The following CLVS1 variants were observed in gnomAD, a reference collection of about 807,000 sequenced individuals.
The protein encoded by CLVS1 is clavesin 1.
Under a neutral mutation model 33.1 loss-of-function variants are expected in CLVS1, and 10 were observed. The observed-to-expected ratio is 0.30, with a 90% confidence interval of 0.19 to 0.51. The LOEUF (loss-of-function observed/expected upper bound fraction) is 0.51, where lower values mean the gene tolerates loss of function less well. CLVS1 is among the 20% of genes least tolerant of loss of function. The pLI, the probability that CLVS1 is intolerant of heterozygous loss-of-function variation, is 0.97. For synonymous variants in CLVS1, 163 were observed against 166.1 expected, an observed-to-expected ratio of 0.98 and a Z score of 0.14; for missense variants, 343 against 433.4, an observed-to-expected ratio of 0.79 and a Z score of 1.85.
intron 5 of CLVS1, among the ~76,000 whole-genome samples, chr8:61,479,810 C>T (rs923369271): frequency 1.3e-5 from 2 of 152,116 alleles, no homozygotes; most frequent in African/African-American, 4.8e-5. Flanking sequence ...CAGTCAGGAC[C>T]CTCAGCTGCA....
chr8:61,480,135 C>A lies in CLVS1; in HGVS notation c.978-19320C>A, dbSNP rs547106851. Among the ~76,000 whole-genome samples the A allele has an allele frequency of 1.6e-3, 239 of 152,356 alleles. 1 individual carries two copies. Among genetic ancestry groups the A allele is most frequent in the African/African-American group, 5.2e-3 (218 of 41,578 alleles). Reference sequence around the variant, plus strand: ...TGTCAGACGGGGACATTTGAGTCTGCAGAGGTTATTGCTGCCTTTTGTTTG... The same window carrying A: ...TGTCAGACGGGGACATTTGAGTCTGAAGAGGTTATTGCTGCCTTTTGTTTG... On this transcript the variant is annotated intron_variant, in intron 5 of 5. Transcript: ENST00000325897.
chr8:61,014,771 C>CT, the CLVS1 span, among the ~76,000 whole-genome samples: 2 of 152,212 alleles, frequency 1.3e-5, no homozygotes, highest in Non-Finnish European at 1.5e-5. Context: ...GCAAAGGTCA[C>CT]TTTTTCCTAA....
chr8:61,463,486 A>G (rs1392544703), intron 5 of CLVS1, among the ~76,000 whole-genome samples: 2 of 152,220 alleles, frequency 1.3e-5, no homozygotes, highest in African/African-American at 4.8e-5. Context: ...CTTTTGGTTT[A>G]AAATGAGAGA....
chr8:61,063,260 CGAGAGAGAGAGA>C (rs555022524), intron 1 of CLVS1, among the ~76,000 whole-genome samples: 1 of 81,994 alleles, frequency 1.2e-5, no homozygotes, highest in Non-Finnish European at 2.1e-5. Context: ...AGTGAGGAAG[CGAGAGAGAGAGA>C]GAGAGAGAGA....
In CLVS1 at chr8:61,300,409, A is replaced by G. The variant is rs140070158; in HGVS notation, c.455+127A>G. On this transcript the variant is annotated intron_variant, in intron 2 of 5. Coordinates refer to ENST00000325897, the MANE Select transcript of CLVS1 (RefSeq NM_173519.3). ...AAATATTTCACATGTTCACCAAGGA[A>G]GTTTTAGGCCACAGGTGTGCTGTCT... 4.8e-6 allele frequency: 4 copies of G among 839,598 alleles called. No homozygotes were observed. The East Asian group carries it at 1.1e-4, about 22-fold the overall frequency. The allele number at this position is 839,598 out of a possible 1,614,324, so 52.0% of individuals were successfully genotyped here.
chr8:61,197,451 T>C (rs547724842), intron 2 of CLVS1, among the ~76,000 whole-genome samples: 2 of 152,298 alleles, frequency 1.3e-5, no homozygotes, highest in East Asian at 1.9e-4. Flanking sequence ...TACTGTATAC[T>C]GTAGCTCTAT....
chr8:61,335,184 A>T (rs1476368278), intron 2 of CLVS1, among the ~76,000 whole-genome samples: 4 of 152,200 alleles, frequency 2.6e-5, no homozygotes, highest in African/African-American at 9.6e-5. Context: ...TAGTTTAGGG[A>T]GAGTCAGAAT....
chr8:61,082,068 C>A (rs1805029662), intron 1 of CLVS1, among the ~76,000 whole-genome samples: 1 of 151,926 alleles, frequency 6.6e-6, no homozygotes, highest in Non-Finnish European at 1.5e-5. Flanking sequence ...AAAAAGTGAA[C>A]AACATGCAAG....
At chr8:61,473,206 C>T (rs1279102335) in intron 5 of CLVS1, among the ~76,000 whole-genome samples, 1 of 151,788 alleles carries the variant, frequency 6.6e-6, no homozygotes, top group African/African-American at 2.4e-5. Context: ...GAGCAAACAC[C>T]CTGCATTTGG....
At chr8:61,370,886 A>C (rs1214083809) in intron 2 of CLVS1, among the ~76,000 whole-genome samples, 1 of 151,706 alleles carries the variant, frequency 6.6e-6, no homozygotes, top group Non-Finnish European at 1.5e-5. Flanking sequence ...CATTTTCTTT[A>C]TTTACTCGTT....
chr8:61,092,715 G>A (rs577477989), intron 1 of CLVS1, among the ~76,000 whole-genome samples: 3 of 152,152 alleles, frequency 2.0e-5, no homozygotes, highest in Non-Finnish European at 4.4e-5. Flanking sequence ...TACATTTAAA[G>A]ACCTTTGCGA....
chr8:61,185,779 T>C (rs1807333442), intron 2 of CLVS1, among the ~76,000 whole-genome samples: 3 of 152,162 alleles, frequency 2.0e-5, no homozygotes, highest in Admixed American at 2.0e-4. Context: ...GTAATATCTT[T>C]TCAGGGCTCA....
At chr8:61,456,347 T>A (rs1354448638) in intron 4 of CLVS1, among the ~76,000 whole-genome samples, 1 of 152,214 alleles carries the variant, frequency 6.6e-6, no homozygotes, top group African/African-American at 2.4e-5. Context: ...CCAGCATGTT[T>A]CATATACAAA....
intron 2 of CLVS1, among the ~76,000 whole-genome samples, chr8:61,144,878 C>G (rs757094915): frequency 1.1e-4 from 16 of 152,154 alleles, no homozygotes; most frequent in African/African-American, 1.7e-4. Context: ...TACAGGTGCC[C>G]GCTGCCACAC....
intron 1 of CLVS1, among the ~76,000 whole-genome samples, chr8:61,092,984 G>A (rs1301889892): frequency 1.3e-5 from 2 of 152,128 alleles, no homozygotes; most frequent in Admixed American, 6.5e-5. Flanking sequence ...ACAACATGGG[G>A]GAGGAAAGAA....
At chr8:61,170,468 C>G (rs1352109752) in intron 2 of CLVS1, among the ~76,000 whole-genome samples, 2 of 152,164 alleles carry the variant, frequency 1.3e-5, no homozygotes, top group African/African-American at 4.8e-5. Context: ...ACAATGATAA[C>G]CAGAAATGCC....
chr8:61,470,244 T>C (rs1038815525), intron 5 of CLVS1, among the ~76,000 whole-genome samples: 3 of 152,210 alleles, frequency 2.0e-5, no homozygotes, highest in Non-Finnish European at 2.9e-5. Flanking sequence ...AGAAAATCTA[T>C]ATAATGAATT....
intron 2 of CLVS1, among the ~76,000 whole-genome samples, chr8:61,172,271 T>A (rs1807017977): frequency 6.6e-6 from 1 of 152,114 alleles, no homozygotes; most frequent in Admixed American, 6.6e-5. Flanking sequence ...ATATTGTTAT[T>A]CAGCCAAGTA....
chr8:61,468,796 A>G (rs1817643851), intron 5 of CLVS1, among the ~76,000 whole-genome samples: 3 of 151,620 alleles, frequency 2.0e-5, no homozygotes, highest in Non-Finnish European at 4.4e-5. Context: ...CCAAATAAAC[A>G]TTCATGTCTC....
Sources: allele counts gnomAD v4.1 joint callset (sites outside exome capture counted in the v4.1 genomes callset), GRCh38; gene constraint gnomAD v4.1.1; transcripts MANE v1.5; gene names NCBI Gene and HGNC (gene_info 2026-07-23, HGNC 2026-07-21).